The following GPC4 variants were observed in gnomAD, a reference collection of about 807,000 sequenced individuals.
GPC4 encodes glypican 4, also known as glypican-4.
In GPC4, 10 loss-of-function variants were observed where a neutral mutation model predicts 35.0. The observed-to-expected ratio is 0.29, with a 90% confidence interval of 0.18 to 0.48. The LOEUF is 0.48. Among genes scored for constraint, GPC4 ranks in the 20% least tolerant of loss-of-function variants. The pLI is 0.99. For synonymous variants in GPC4, 167 were observed against 170.2 expected, an observed-to-expected ratio of 0.98 and a Z score of 0.15; for missense variants, 322 against 451.3, an observed-to-expected ratio of 0.71 and a Z score of 2.60.
At chrX:133,343,266 G>A (rs766903374) in intron 1 of GPC4, among the ~76,000 whole-genome samples, 4 of 111,757 alleles carry the variant, frequency 3.6e-5, no homozygotes, top group Non-Finnish European at 7.5e-5. Context: ...ATCTACAACT[G>A]CCATTTCTCT....
intron 2 of GPC4, 135 bp from the exon 3 acceptor site, chrX:133,324,671 G>C (rs2068383877): frequency 1.0e-5 from 6 of 602,692 alleles, no homozygotes; most frequent in Non-Finnish European, 1.5e-5. Context: ...TGTATATAGG[G>C]TGAATTTCTT....
At position 133,415,217 on chromosome X, in the gene GPC4, G is replaced by A; in HGVS notation, c.-252C>T. ...GAAGGAGGGCGTGGAGGCGGCGCGCGGCCCAGGGAAGCAGAGGCGCGGGCT... is the reference window on the plus strand; with the variant it reads ...GAAGGAGGGCGTGGAGGCGGCGCGCAGCCCAGGGAAGCAGAGGCGCGGGCT... On this transcript the variant is annotated 5_prime_UTR_variant, in exon 1 of 9. Transcript: ENST00000370828. 2.9e-6 allele frequency: 1 copy of A among 348,812 alleles called. No homozygotes were observed. Among genetic ancestry groups the A allele is most frequent in the East Asian group, 4.8e-5 (1 of 20,628 alleles). The allele number at this position is 348,812 out of a possible 1,213,427, so 28.7% of individuals were successfully genotyped here. A position where few individuals can be genotyped will look rare whatever the true frequency, so the allele number is the denominator to read the frequency against.
chrX:133,321,883 G>A (rs998901450), intron 3 of GPC4, among the ~76,000 whole-genome samples: 2 of 111,688 alleles, frequency 1.8e-5, no homozygotes, highest in African/African-American at 6.5e-5. Flanking sequence ...AAGAAGGAGT[G>A]AACAAAAACA....
At chrX:133,345,609 T>C (rs1202666336) in intron 1 of GPC4, among the ~76,000 whole-genome samples, 3 of 112,171 alleles carry the variant, frequency 2.7e-5, no homozygotes, top group African/African-American at 9.7e-5. Flanking sequence ...AATAAGGAAA[T>C]CACTGAGCTG....
intron 1 of GPC4, among the ~76,000 whole-genome samples, chrX:133,347,248 GTTTTTTTTTTTT>G (rs763800349): frequency 3.5e-4 from 9 of 25,415 alleles, no homozygotes; most frequent in Non-Finnish European, 4.7e-4. Flanking sequence ...TCTATTAGAA[GTTTTTTTTTTTT>G]TTTTTTTTTT....
chrX:133,391,084 T>A (rs2068717592), intron 1 of GPC4, among the ~76,000 whole-genome samples: 1 of 112,102 alleles, frequency 8.9e-6, no homozygotes, highest in African/African-American at 3.2e-5. Flanking sequence ...GTAAAAGGAA[T>A]TAAAAGCTAT....
At chrX:133,327,147 G>C (rs1312313293) in intron 2 of GPC4, among the ~76,000 whole-genome samples, 6 of 112,046 alleles carry the variant, frequency 5.4e-5, no homozygotes, top group Non-Finnish European at 1.1e-4. Context: ...TCCTTATATT[G>C]AATTTTTATT....
intron 1 of GPC4, among the ~76,000 whole-genome samples, chrX:133,383,353 TA>T (rs1195523852): frequency 1.8e-5 from 2 of 111,513 alleles, no homozygotes; most frequent in Non-Finnish European, 3.8e-5. Flanking sequence ...ATTCCAACTA[TA>T]TGACATTCTG....
At position 133,377,181 on chromosome X, in the gene GPC4, G is replaced by A. The variant is rs187727188; in HGVS notation, c.160+37625C>T. ...TCCAAGGAAGCTAATCTACACCAGG[G>A]CTCTGCCAACTGTGGGATCATGACC... is the stretch of plus-strand genomic sequence containing the variant. On this transcript the variant is annotated intron_variant, in intron 1 of 8. Transcript: ENST00000370828. Among the ~76,000 whole-genome samples, 595 of 112,022 alleles carry A rather than the reference G, an allele frequency of 5.3e-3. 2 individuals carry two copies. The highest frequency in any genetic ancestry group is 9.8e-3 in the Non-Finnish European group (521 of 53,201).
At chrX:133,394,277 A>AAT (rs200951923) in intron 1 of GPC4, among the ~76,000 whole-genome samples, 10 of 108,880 alleles carry the variant, frequency 9.2e-5, no homozygotes, top group African/African-American at 1.3e-4. Context: ...CTCAAAAAAA[A>AAT]ATATATATAT....
At chrX:133,344,848 C>T (rs1315110632) in intron 1 of GPC4, among the ~76,000 whole-genome samples, 2 of 112,282 alleles carry the variant, frequency 1.8e-5, no homozygotes, top group African/African-American at 6.5e-5. Flanking sequence ...TCTTGGTACT[C>T]GGACTAATTT....
At chrX:133,400,729 T>C (rs12011132) in intron 1 of GPC4, among the ~76,000 whole-genome samples, 45,671 of 110,219 alleles carry the variant, frequency 0.41, 7,863 homozygotes, top group African/African-American at 0.65. Flanking sequence ...TTGCAAGGAG[T>C]ACTCATTCAT....
chrX:133,409,461 C>T (rs779471275), intron 1 of GPC4, among the ~76,000 whole-genome samples: 2 of 108,191 alleles, frequency 1.8e-5, no homozygotes, highest in Non-Finnish European at 3.8e-5. Context: ...ACAGAGAACA[C>T]AATAGAATTG....
intron 1 of GPC4, among the ~76,000 whole-genome samples, chrX:133,412,115 T>C (rs1370695941): frequency 8.9e-6 from 1 of 111,776 alleles, no homozygotes; most frequent in Non-Finnish European, 1.9e-5. Context: ...TGTTTTGCAC[T>C]GAAAAAAGCA....
At chrX:133,322,557 CA>C (rs11388265) in intron 3 of GPC4, among the ~76,000 whole-genome samples, 102 of 98,908 alleles carry the variant, frequency 1.0e-3, no homozygotes, top group Middle Eastern at 5.2e-3. Context: ...GAGACTCTAT[CA>C]AAAAAAAAAA....
At chrX:133,336,254 G>A (rs888438169) in intron 2 of GPC4, among the ~76,000 whole-genome samples, 1 of 111,710 alleles carries the variant, frequency 9.0e-6, no homozygotes. Flanking sequence ...GTCAATCATC[G>A]CCAGGCGCGG....
intron 2 of GPC4, among the ~76,000 whole-genome samples, chrX:133,332,298 G>A (rs2068424093): frequency 9.0e-6 from 1 of 111,555 alleles, no homozygotes; most frequent in African/African-American, 3.3e-5. Flanking sequence ...TTTTTCCTAT[G>A]AAATACATGT....
At chrX:133,383,112 G>T (rs970330066) in intron 1 of GPC4, among the ~76,000 whole-genome samples, 1 of 111,939 alleles carries the variant, frequency 8.9e-6, no homozygotes, top group Non-Finnish European at 1.9e-5. Flanking sequence ...GTTTATAGCA[G>T]CTTATTCCTA....
intron 1 of GPC4, among the ~76,000 whole-genome samples, chrX:133,383,849 A>T (rs1405945630): frequency 3.6e-5 from 4 of 111,288 alleles, no homozygotes; most frequent in Non-Finnish European, 7.5e-5. Context: ...TATCTCAAAA[A>T]ACAATGAGTG....
Sources: gnomAD v4.1 joint callset for allele counts (sites outside exome capture counted in the v4.1 genomes callset) on GRCh38, gnomAD v4.1.1 for gene constraint, MANE v1.5 for transcripts, NCBI Gene and HGNC (gene_info 2026-07-23, HGNC 2026-07-21) for gene names.